Variants in CACHD1 observed in about 807,000 individuals in gnomAD.
The protein encoded by CACHD1 is VWFA and cache domain-containing protein 1.
A neutral mutation model predicts 138.7 loss-of-function variants in CACHD1; 71 were observed. That is an observed-to-expected ratio of 0.51 (90% confidence interval 0.42 to 0.62). The LOEUF is 0.62. Among genes scored for constraint, CACHD1 ranks in the 20% least tolerant of loss-of-function variants. The probability of loss-of-function intolerance (pLI) is 0.00; values close to 1 mark genes in which losing one functional copy is unlikely to be tolerated. For missense variants in CACHD1, 1,389 were observed against 1,625.3 expected (o/e 0.85, Z 2.50); for synonymous variants, 578 against 591.5 (o/e 0.98, Z 0.33).
intron 3 of CACHD1, among the ~76,000 whole-genome samples, chr1:64,602,462 C>T (rs2100577746): frequency 8.3e-6 from 1 of 120,190 alleles, no homozygotes; most frequent in East Asian, 2.5e-4. Flanking sequence ...CATCAGAGCT[C>T]CCATCTGATT....
chr1:64,506,026 G>C (rs1463561603), intron 1 of CACHD1: 1 of 152,352 alleles, frequency 6.6e-6, no homozygotes, highest in East Asian at 1.9e-4. Context: ...TGCCTGCCTT[G>C]GCCTGCATTT....
intron 1 of CACHD1, among the ~76,000 whole-genome samples, chr1:64,526,855 G>A (rs1364344730): frequency 6.6e-6 from 1 of 152,152 alleles, no homozygotes; most frequent in Non-Finnish European, 1.5e-5. Context: ...GAGTGGTAGA[G>A]TATAGGCCTC....
chr1:64,521,190 G>T, intron 1 of CACHD1, among the ~76,000 whole-genome samples: 1 of 152,162 alleles, frequency 6.6e-6, no homozygotes, highest in South Asian at 2.1e-4. Flanking sequence ...CTGTCGTAGG[G>T]CAGAGGTCTC....
chr1:64,545,837 CAG>C (rs1411684916), intron 1 of CACHD1, among the ~76,000 whole-genome samples: 6 of 152,170 alleles, frequency 3.9e-5, no homozygotes, highest in African/African-American at 1.4e-4. Context: ...GTCTCTAAAT[CAG>C]AGTGCTTGGT....
intron 1 of CACHD1, among the ~76,000 whole-genome samples, chr1:64,480,491 T>C (rs2100272231): frequency 6.6e-6 from 1 of 152,276 alleles, no homozygotes; most frequent in South Asian, 2.1e-4. Flanking sequence ...TTAAAGCTGA[T>C]GGTCTCATTT....
rs1011077230 is a variant in CACHD1, at chr1:64,470,428, C to G, written c.-317C>G. On this transcript the variant is annotated 5_prime_UTR_variant, in exon 1 of 27. Coordinates refer to ENST00000651257, the MANE Select transcript of CACHD1 (RefSeq NM_020925.4). The surrounding 1 kb of genome is among the most constrained non-coding windows in gnomAD (Gnocchi z 5.2). ...ACTGTCAGCCCCGGGGCCCGCGCACCCCGGCCTGCGGGCGCCCCTGCTCTC... is the reference window on the plus strand; with the variant it reads ...ACTGTCAGCCCCGGGGCCCGCGCACGCCGGCCTGCGGGCGCCCCTGCTCTC... Among the ~76,000 whole-genome samples, 4 of 151,566 alleles carry G rather than the reference C, an allele frequency of 2.6e-5. No homozygotes were observed. Among genetic ancestry groups the G allele is most frequent in the Non-Finnish European group, 5.9e-5 (4 of 67,842 alleles).
At chr1:64,654,912 G>A (rs1039004111) in intron 12 of CACHD1, 109 bp downstream of exon 12, 59 of 733,676 alleles carry the variant, frequency 8.0e-5, no homozygotes, top group African/African-American at 2.4e-4. Context: ...AATTTGTCTC[G>A]TAATGTGACT....
chr1:64,663,910 C>A, intron 14 of CACHD1, 73 bp downstream of exon 14: 1 of 1,587,994 alleles, frequency 6.3e-7, no homozygotes, highest in South Asian at 1.1e-5. Context: ...GGCAGTGAAC[C>A]TTTGAAGTAG....
intron 2 of CACHD1, among the ~76,000 whole-genome samples, chr1:64,567,770 C>G (rs1226812342): frequency 6.6e-6 from 1 of 152,132 alleles, no homozygotes; most frequent in Non-Finnish European, 1.5e-5. Context: ...TTTATTTTCT[C>G]TTGAGAGTCT....
chr1:64,531,896 G>A (rs961719017), intron 1 of CACHD1, among the ~76,000 whole-genome samples: 1 of 152,122 alleles, frequency 6.6e-6, no homozygotes, highest in African/African-American at 2.4e-5. Context: ...GTATTAGAAG[G>A]TATCACTACA....
chr1:64,638,256 T>G (rs978421007), intron 7 of CACHD1, among the ~76,000 whole-genome samples: 1 of 152,188 alleles, frequency 6.6e-6, no homozygotes, highest in African/African-American at 2.4e-5. Context: ...AGACAATTAT[T>G]TAATGTCTAC....
At chr1:64,620,601 A>C (rs1437846085) in intron 4 of CACHD1, among the ~76,000 whole-genome samples, 1 of 152,212 alleles carries the variant, frequency 6.6e-6, no homozygotes, top group East Asian at 1.9e-4. Flanking sequence ...GGCCATTTTC[A>C]TCTCACATAA....
rs140623080 is a variant in CACHD1 at position 64,526,980 on chromosome 1, C to T, written c.199-23614C>T. 3.3e-4 allele frequency among the ~76,000 whole-genome samples: 50 copies of T among 152,334 alleles called. 1 individual carries two copies. The East Asian group carries it at 5.8e-3, about 18-fold the overall frequency. ...ATTTCCTTGGTGTAATGGTTCCAGA[C>T]GCTTAGTATACGTTTGATCTGTAGC... On this transcript the variant is annotated intron_variant, in intron 1 of 26. Transcript: ENST00000651257.
chr1:64,606,106 AACACAC>A (rs112089755), intron 4 of CACHD1, among the ~76,000 whole-genome samples: 1 of 148,842 alleles, frequency 6.7e-6, no homozygotes, highest in African/African-American at 2.5e-5. Context: ...AGGAGCTGTA[AACACAC>A]ACACACACAC....
At chr1:64,635,764 CA>C (rs1372085030) in intron 7 of CACHD1, among the ~76,000 whole-genome samples, 4 of 152,074 alleles carry the variant, frequency 2.6e-5, no homozygotes, top group Non-Finnish European at 5.9e-5. Context: ...AAATGGGGCT[CA>C]TGCTTTGAAA....
At chr1:64,604,301 G>T (rs868608730) in intron 4 of CACHD1, among the ~76,000 whole-genome samples, 1 of 152,170 alleles carries the variant, frequency 6.6e-6, no homozygotes, top group Non-Finnish European at 1.5e-5. Flanking sequence ...CAGATCATCT[G>T]GAACCCTCTG....
chr1:64,634,692 A>AT (rs1478055014), intron 7 of CACHD1, among the ~76,000 whole-genome samples: 5 of 152,198 alleles, frequency 3.3e-5, no homozygotes, highest in Admixed American at 2.0e-4. Context: ...GCGTAGAGGG[A>AT]TTAAAAAAAA....
rs1648357267 is a variant in CACHD1 at position 64,632,741 on chromosome 1, A to G, written c.787A>G (p.Lys263Glu). The change falls in exon 6 of 27, where the codon AAG (lysine) becomes GAG (glutamate). Residue 263 changes from lysine (K) to glutamate (E), a missense_variant and splice_region_variant. Around this residue, in one of 5 missense-constraint regions of CACHD1, gnomAD observed 1,000 missense variants for 1,114.7 expected, o/e 0.90. Transcript: ENST00000651257. ...CCTCAGCGCCATCGATGAACATGACAAGGTGACCATGACCCTTGTGACCCC... is the reference window on the plus strand; with the variant it reads ...CCTCAGCGCCATCGATGAACATGACGAGGTGACCATGACCCTTGTGACCCC... ...VILSAIDEHD[K>E]ISVLTVADTV... The G allele has an allele frequency of 6.2e-7, 1 of 1,614,124 alleles. No homozygotes were observed. The highest frequency in any genetic ancestry group is 8.5e-7 in the Non-Finnish European group (1 of 1,179,978).
At chr1:64,618,178 T>G (rs1422924072) in intron 4 of CACHD1, among the ~76,000 whole-genome samples, 1 of 151,546 alleles carries the variant, frequency 6.6e-6, no homozygotes, top group Non-Finnish European at 1.5e-5. Flanking sequence ...CAGTGGATAA[T>G]AAAACTTACC....
Sources: allele counts gnomAD v4.1 joint callset (sites outside exome capture counted in the v4.1 genomes callset), GRCh38; gene constraint gnomAD v4.1.1; regional missense constraint gnomAD v4.1.1; non-coding constraint Gnocchi (gnomAD v3.1); transcripts MANE v1.5; gene names NCBI Gene and HGNC (gene_info 2026-07-23, HGNC 2026-07-21).